CNTN5: variants seen among roughly 807,000 people sequenced by gnomAD.
CNTN5 encodes contactin-5.
CNTN5 carries 77 observed loss-of-function variants against 129.1 expected under a neutral mutation model. That is an observed-to-expected ratio of 0.60 (90% CI 0.50 to 0.72). The LOEUF (loss-of-function observed/expected upper bound fraction) is 0.72. Ranked by LOEUF, CNTN5 falls within the 30% of genes least tolerant of loss-of-function variation. CNTN5 has a pLI of 0.00. For missense variants in CNTN5, 1,478 were observed against 1,328.8 expected, an observed-to-expected ratio of 1.11 and a Z score of -1.75; for synonymous variants, 509 against 465.6, an observed-to-expected ratio of 1.09 and a Z score of -1.20.
intron 3 of CNTN5, among the ~76,000 whole-genome samples, chr11:99,778,251 T>A (rs1357586952): frequency 1.3e-5 from 2 of 151,740 alleles, no homozygotes. Context: ...ACTCAGGTTT[T>A]CAGACTTGTT....
chr11:99,224,637 G>A (rs930682764), intron 1 of CNTN5, among the ~76,000 whole-genome samples: 1 of 148,060 alleles, frequency 6.8e-6, no homozygotes, highest in Admixed American at 6.8e-5. Context: ...AGATTAAAGA[G>A]TCTCGTCTCC....
intron 13 of CNTN5, among the ~76,000 whole-genome samples, chr11:100,094,164 T>C (rs972381003): frequency 6.6e-6 from 1 of 152,148 alleles, no homozygotes; most frequent in Non-Finnish European, 1.5e-5. Flanking sequence ...GAGACTGAAC[T>C]GAGCAGATGC....
chr11:99,037,959 C>G (rs1863824943), intron 1 of CNTN5, among the ~76,000 whole-genome samples: 1 of 151,934 alleles, frequency 6.6e-6, no homozygotes, highest in Non-Finnish European at 1.5e-5. Flanking sequence ...ACTGCTTTGC[C>G]TAACATAAAC....
chr11:99,205,812 G>T (rs974235420), intron 1 of CNTN5, among the ~76,000 whole-genome samples: 1 of 150,108 alleles, frequency 6.7e-6, no homozygotes, highest in Non-Finnish European at 1.5e-5. Context: ...TTTCTCAATT[G>T]TACATCAATA....
chr11:99,454,849 A>G lies in CNTN5; in HGVS notation c.-70-101296A>G, dbSNP rs1430757201. ...ACTGTGGAACAAAGTTATATCTTGT[A>G]TAAATCACAGTCTATCTGTGCTCTG... On this transcript the variant is annotated intron_variant, in intron 2 of 24. Coordinates refer to ENST00000524871, the MANE Select transcript of CNTN5 (RefSeq NM_014361.4). 3.9e-5 allele frequency among the ~76,000 whole-genome samples: 6 copies of G among 152,288 alleles called. 1 individual carries two copies. In the East Asian group the frequency reaches 1.2e-3, roughly 29 times the overall value.
intron 1 of CNTN5, among the ~76,000 whole-genome samples, chr11:99,127,439 A>G (rs1858695915): frequency 6.6e-6 from 1 of 152,098 alleles, no homozygotes; most frequent in South Asian, 2.1e-4. Context: ...GTATGCTTCT[A>G]GTCTTGCCCT....
chr11:99,993,046 C>CG (rs1565765260), intron 8 of CNTN5, among the ~76,000 whole-genome samples: 1 of 152,164 alleles, frequency 6.6e-6, no homozygotes, highest in East Asian at 1.9e-4. Flanking sequence ...TGATCTTTGA[C>CG]TGTGTGTCTT....
intron 2 of CNTN5, among the ~76,000 whole-genome samples, chr11:99,339,654 C>T (rs1280834473): frequency 3.3e-5 from 5 of 152,106 alleles, no homozygotes; most frequent in South Asian, 2.1e-4. Flanking sequence ...TGGTGGCAGG[C>T]GCCTGTAGTC....
At position 99,139,166 on chromosome 11, in the gene CNTN5, C is replaced by G. The variant is rs541306646; in HGVS notation, c.-210+117896C>G. 3.1e-4 allele frequency among the ~76,000 whole-genome samples: 45 copies of G among 142,880 alleles called. No individual in the cohort carries two copies. The East Asian group carries it at 7.0e-3, about 22-fold the overall frequency. 93.7% of individuals were successfully genotyped at this position (142,880 alleles called of 152,430 possible). A position where few individuals can be genotyped will look rare whatever the true frequency, so the allele number is the denominator to read the frequency against. On this transcript the variant is annotated intron_variant, in intron 1 of 24. Coordinates refer to ENST00000524871, the MANE Select transcript of CNTN5 (RefSeq NM_014361.4). Reference sequence around the variant, plus strand: ...CCTGCGGTCCCAGCTACTCAGGAGGCTGAGGTGGGAGGATTGCTTGAGCCT... The same window carrying G: ...CCTGCGGTCCCAGCTACTCAGGAGGGTGAGGTGGGAGGATTGCTTGAGCCT...
chr11:99,664,900 T>A (rs1952728051), intron 3 of CNTN5, among the ~76,000 whole-genome samples: 1 of 152,174 alleles, frequency 6.6e-6, no homozygotes, highest in South Asian at 2.1e-4. Flanking sequence ...TAATATGGTA[T>A]AATGTGGAAT....
intron 3 of CNTN5, among the ~76,000 whole-genome samples, chr11:99,691,038 C>T (rs1954019679): frequency 6.6e-6 from 1 of 151,806 alleles, no homozygotes; most frequent in Admixed American, 6.6e-5. Context: ...TTTCTTGTTA[C>T]TTACATAAAA....
intron 13 of CNTN5, among the ~76,000 whole-genome samples, chr11:100,142,359 T>G (rs1946721829): frequency 6.6e-6 from 1 of 152,182 alleles, no homozygotes. Context: ...TTGATCTCTC[T>G]TCTATCTTTC....
chr11:99,895,847 GC>G (rs760020737), intron 6 of CNTN5, among the ~76,000 whole-genome samples: 2 of 152,110 alleles, frequency 1.3e-5, no homozygotes, highest in Non-Finnish European at 2.9e-5. Context: ...AGCAGCCACT[GC>G]CCCACTGAGA....
At chr11:99,474,923 T>C (rs1340840650) in intron 2 of CNTN5, among the ~76,000 whole-genome samples, 1 of 152,344 alleles carries the variant, frequency 6.6e-6, no homozygotes, top group Admixed American at 6.5e-5. Context: ...TCTACTATCA[T>C]TTGAATGTTC....
chr11:100,124,412 T>C (rs17697430), intron 13 of CNTN5, among the ~76,000 whole-genome samples: 4,030 of 152,112 alleles, frequency 0.026, 76 homozygotes, highest in Middle Eastern at 0.085. Flanking sequence ...AAGAAAATTA[T>C]TATAGATCCT....
At chr11:100,086,364 C>T (rs1354973770) in intron 13 of CNTN5, among the ~76,000 whole-genome samples, 3 of 150,300 alleles carry the variant, frequency 2.0e-5, no homozygotes, top group African/African-American at 7.3e-5. Flanking sequence ...TAGAAGGAAA[C>T]TTCTGGTATC....
chr11:99,252,326 T>TAAAC (rs1280790402), intron 1 of CNTN5, among the ~76,000 whole-genome samples: 1 of 151,870 alleles, frequency 6.6e-6, no homozygotes, highest in South Asian at 2.1e-4. Context: ...ATGAGTTGTT[T>TAAAC]AAACAAACAA....
chr11:99,947,066 A>C (rs1565708173), intron 7 of CNTN5, among the ~76,000 whole-genome samples: 1 of 150,298 alleles, frequency 6.7e-6, no homozygotes, highest in African/African-American at 2.5e-5. Context: ...GATATAAACA[A>C]AATTAGAAAA....
intron 1 of CNTN5, among the ~76,000 whole-genome samples, chr11:99,246,474 C>T (rs955634524): frequency 5.3e-5 from 8 of 152,138 alleles, no homozygotes; most frequent in African/African-American, 1.2e-4. Flanking sequence ...CAGGAGCCAT[C>T]GTTAAATAGA....
Sources: gnomAD v4.1 joint callset for allele counts (sites outside exome capture counted in the v4.1 genomes callset) on GRCh38, gnomAD v4.1.1 for gene constraint, MANE v1.5 for transcripts, NCBI Gene and HGNC (gene_info 2026-07-23, HGNC 2026-07-21) for gene names.